Variants in ROBO1 observed in about 807,000 individuals in gnomAD.
ROBO1 encodes roundabout guidance receptor 1.
In ROBO1, 149 loss-of-function variants were observed where a neutral mutation model predicts 195.9. The ratio of observed to expected loss-of-function variants is 0.76; its 90% CI spans 0.67 to 0.87. ROBO1 has a LOEUF of 0.87. Ranked by LOEUF, ROBO1 falls within the 40% of genes least tolerant of loss-of-function variation. ROBO1 has a pLI of 0.00. For synonymous variants in ROBO1, 816 were observed against 733.2 expected (o/e 1.11, Z -1.82); for missense variants, 1,933 against 2,068.3 (o/e 0.93, Z 1.27).
At chr3:79,230,801 G>C (rs1162285673) in intron 2 of ROBO1, among the ~76,000 whole-genome samples, 3 of 152,052 alleles carry the variant, frequency 2.0e-5, no homozygotes, top group Non-Finnish European at 2.9e-5. Context: ...GAGGCATCAT[G>C]CTACCCAACT....
At chr3:79,325,450 A>G (rs986979674) in intron 2 of ROBO1, among the ~76,000 whole-genome samples, 2 of 152,236 alleles carry the variant, frequency 1.3e-5, no homozygotes, top group Non-Finnish European at 2.9e-5. Flanking sequence ...CAAAAGGTAA[A>G]GCAATATTTT....
chr3:79,231,014 T>C (rs6768393), intron 2 of ROBO1, among the ~76,000 whole-genome samples: 22,780 of 152,006 alleles, frequency 0.15, 2,788 homozygotes, highest in African/African-American at 0.34. Context: ...ACTGACTAGC[T>C]GTATGCCGAA....
At chr3:78,693,173 T>C in intron 8 of ROBO1, 1 of 738,310 alleles carries the variant, frequency 1.4e-6, no homozygotes, top group Non-Finnish European at 2.1e-6. Context: ...TTTTCACAGT[T>C]ACCCATACTT....
intron 10 of ROBO1, among the ~76,000 whole-genome samples, chr3:78,675,875 A>G (rs1174710828): frequency 6.6e-6 from 1 of 152,098 alleles, no homozygotes; most frequent in African/African-American, 2.4e-5. Flanking sequence ...TGCCTCCTCA[A>G]GTGGGTCCCT....
intron 2 of ROBO1, among the ~76,000 whole-genome samples, chr3:79,436,673 T>TGA (rs1183348296): frequency 1.3e-5 from 2 of 152,068 alleles, no homozygotes; most frequent in East Asian, 3.8e-4. Context: ...TGATACAGTG[T>TGA]GAGATATTTT....
At position 79,394,899 on chromosome 3, in the gene ROBO1, TA is replaced by T. The variant is rs1246686861; in HGVS notation, c.88+194924del. On this transcript the variant is annotated intron_variant, in intron 2 of 30. Transcript: ENST00000464233. ...ATATACAAATTCTATTTTATTAGGGTAACACACATAAAATTCACAGAATGTG... is the reference window on the plus strand; with the variant it reads ...ATATACAAATTCTATTTTATTAGGGTACACACATAAAATTCACAGAATGTG... Among the ~76,000 whole-genome samples the T allele has an allele frequency of 3.7e-4, 56 of 152,330 alleles. 1 individual carries two copies. The highest frequency in any genetic ancestry group is 1.3e-3 in the African/African-American group (55 of 41,576).
Position 79,158,769 on chromosome 3 carries a change from C to T in ROBO1, c.89-33230G>A, listed in dbSNP as rs1231307955. ...GTTATTCTGTTTATTCATGAACCAG[C>T]TTCACTCTATGTTCATACCATATTT... On this transcript the variant is annotated intron_variant, in intron 2 of 30. Transcript: ENST00000464233. Among the ~76,000 whole-genome samples, 8 of 151,868 alleles carry T rather than the reference C, an allele frequency of 5.3e-5. No homozygotes were observed. The East Asian group carries it at 7.8e-4, about 15-fold the overall frequency.
intron 2 of ROBO1, among the ~76,000 whole-genome samples, chr3:79,248,961 T>C (rs931635882): frequency 5.3e-5 from 8 of 152,158 alleles, no homozygotes; most frequent in African/African-American, 7.2e-5. Context: ...TTTAAACATA[T>C]TGGATTTTAG....
chr3:79,492,843 AT>A (rs1437959699), intron 2 of ROBO1, among the ~76,000 whole-genome samples: 9 of 152,084 alleles, frequency 5.9e-5, no homozygotes, highest in African/African-American at 2.2e-4. Context: ...TTTCAAAATA[AT>A]TGCTTGCTAA....
intron 4 of ROBO1, among the ~76,000 whole-genome samples, chr3:78,751,199 C>T (rs1489262653): frequency 3.3e-5 from 5 of 151,850 alleles, no homozygotes; most frequent in South Asian, 4.2e-4. Flanking sequence ...AATCTCAGTG[C>T]GGTTAGGGGC....
At chr3:78,938,362 C>T (rs184434091) in intron 4 of ROBO1, 2 of 433,274 alleles carry the variant, frequency 4.6e-6, no homozygotes, top group Admixed American at 7.8e-5. Flanking sequence ...AACAGAAAAT[C>T]ACTCCCAATC....
intron 3 of ROBO1, among the ~76,000 whole-genome samples, chr3:79,017,453 G>GTGTGTGT (rs2077975052): frequency 1.7e-5 from 2 of 120,592 alleles, no homozygotes; most frequent in African/African-American, 6.4e-5. Context: ...GAGGTGCAGT[G>GTGTGTGT]TGTGTGTGTG....
chr3:79,684,448 C>A (rs1442339981), intron 1 of ROBO1, among the ~76,000 whole-genome samples: 1 of 151,860 alleles, frequency 6.6e-6, no homozygotes, highest in Non-Finnish European at 1.5e-5. Context: ...CATATTTTCC[C>A]ACTTAACTTT....
At chr3:79,106,771 G>A (rs1387850062) in intron 3 of ROBO1, among the ~76,000 whole-genome samples, 1 of 151,490 alleles carries the variant, frequency 6.6e-6, no homozygotes, top group African/African-American at 2.4e-5. Context: ...AATGATAAAT[G>A]GCAAGTAATT....
At chr3:78,978,633 CAA>C (rs1222519369) in intron 3 of ROBO1, among the ~76,000 whole-genome samples, 1 of 152,120 alleles carries the variant, frequency 6.6e-6, no homozygotes, top group Non-Finnish European at 1.5e-5. Context: ...CACAGGGATT[CAA>C]TTCACATCCA....
At chr3:78,893,904 T>C (rs1004908923) in intron 4 of ROBO1, among the ~76,000 whole-genome samples, 2 of 152,202 alleles carry the variant, frequency 1.3e-5, no homozygotes, top group Non-Finnish European at 2.9e-5. Context: ...GCTGCTCCTT[T>C]CTTCATTCTG....
chr3:78,893,343 T>C (rs2037019742), intron 4 of ROBO1, among the ~76,000 whole-genome samples: 1 of 152,150 alleles, frequency 6.6e-6, no homozygotes, highest in Non-Finnish European at 1.5e-5. Flanking sequence ...CCTTCTGCTA[T>C]GTGGAGGAAC....
intron 3 of ROBO1, among the ~76,000 whole-genome samples, chr3:79,060,402 A>G (rs1047439474): frequency 1.3e-5 from 2 of 151,860 alleles, no homozygotes; most frequent in Non-Finnish European, 2.9e-5. Flanking sequence ...CCCTTTTGAA[A>G]TTCCTAATAA....
At chr3:79,741,230 A>T (rs985001250) in intron 1 of ROBO1, among the ~76,000 whole-genome samples, 8 of 152,140 alleles carry the variant, frequency 5.3e-5, no homozygotes, top group African/African-American at 1.9e-4. Context: ...CCCTCAGCCA[A>T]CCATTAGCCA....
Sources: allele counts gnomAD v4.1 joint callset (sites outside exome capture counted in the v4.1 genomes callset), GRCh38; gene constraint gnomAD v4.1.1; transcripts MANE v1.5; gene names NCBI Gene and HGNC (gene_info 2026-07-23, HGNC 2026-07-21).